DPH6: variants seen among roughly 807,000 people sequenced by gnomAD.
DPH6 encodes diphthine--ammonia ligase.
Under a neutral mutation model 38.2 loss-of-function variants are expected in DPH6, and 33 were observed. That is an observed-to-expected ratio of 0.86 (90% CI 0.65 to 1.15). DPH6 has a LOEUF of 1.15. Ranked by LOEUF, DPH6 falls within the 50% of genes most tolerant of loss-of-function variation. DPH6 has a pLI of 0.00. For synonymous variants in DPH6, 108 were observed against 103.0 expected (o/e 1.05, Z -0.30); for missense variants, 325 against 320.0 (o/e 1.02, Z -0.12).
At chr15:35,269,355 A>G (rs974586361) in intron 3 of DPH6, among the ~76,000 whole-genome samples, 2 of 152,220 alleles carry the variant, frequency 1.3e-5, no homozygotes, top group African/African-American at 2.4e-5. Flanking sequence ...AGTAAGGAGA[A>G]CTCAATGCAA....
chr15:35,273,404 A>G (rs910861804), intron 3 of DPH6, among the ~76,000 whole-genome samples: 10 of 152,166 alleles, frequency 6.6e-5, no homozygotes, highest in African/African-American at 2.4e-4. Flanking sequence ...GTGAGAAAAT[A>G]CGATGTTTGG....
At chr15:35,273,748 TAA>T (rs2051838684) in intron 3 of DPH6, among the ~76,000 whole-genome samples, 1 of 152,050 alleles carries the variant, frequency 6.6e-6, no homozygotes, top group Non-Finnish European at 1.5e-5. Flanking sequence ...CTCAAGGAAA[TAA>T]GAGAGGACAC....
chr15:35,366,819 G>T (rs2052665391), downstream of DPH6, among the ~76,000 whole-genome samples: 1 of 151,930 alleles, frequency 6.6e-6, no homozygotes, highest in African/African-American at 2.4e-5. Context: ...ATAACATTGG[G>T]AATAATGATT....
At chr15:35,440,535 C>T (rs1022801380) in intron 5 of DPH6, among the ~76,000 whole-genome samples, 2 of 152,158 alleles carry the variant, frequency 1.3e-5, no homozygotes, top group African/African-American at 4.8e-5. Flanking sequence ...TCTGTCTTCC[C>T]AAAACAGTAC....
At chr15:35,212,012 T>A in the DPH6 span, among the ~76,000 whole-genome samples, 1 of 152,194 alleles carries the variant, frequency 6.6e-6, no homozygotes, top group African/African-American at 2.4e-5. Context: ...TTGAACAGAT[T>A]GTTTGAGACA....
intron 4 of DPH6, among the ~76,000 whole-genome samples, chr15:35,452,170 ACTG>A (rs2053944036): frequency 7.8e-6 from 1 of 129,006 alleles, no homozygotes; most frequent in Admixed American, 7.9e-5. Context: ...CCTACCACTC[ACTG>A]CTGCCTGCTC....
In DPH6 at chr15:35,294,991, T is replaced by C. The variant is rs1360234255; in HGVS notation, n.201-74409A>G. Among the ~76,000 whole-genome samples the C allele has an allele frequency of 2.6e-5, 4 of 152,206 alleles. 1 individual carries two copies. The highest frequency in any genetic ancestry group is 2.6e-4 in the Admixed American group (4 of 15,284). ...TCCTCACAGTCCCAATCCTCCCTCC[T>C]AGTGCCATGTCAGCATTCAGAGTTG... On this transcript the variant is annotated intron_variant and non_coding_transcript_variant, in intron 3 of 3. Transcript: ENST00000560386.
At chr15:35,205,056 A>G in the DPH6 span, among the ~76,000 whole-genome samples, 1 of 151,958 alleles carries the variant, frequency 6.6e-6, no homozygotes, top group African/African-American at 2.4e-5. Context: ...ATTCTATTGG[A>G]AAGCACTCAC....
the DPH6 span, among the ~76,000 whole-genome samples, chr15:35,188,860 G>A: frequency 1.3e-5 from 2 of 151,498 alleles, no homozygotes; most frequent in South Asian, 4.2e-4. Flanking sequence ...TCCAGCCTGG[G>A]TGATAGAGTG....
intron 5 of DPH6, among the ~76,000 whole-genome samples, chr15:35,436,113 C>A (rs780244599): frequency 2.6e-5 from 4 of 152,072 alleles, no homozygotes; most frequent in Non-Finnish European, 5.9e-5. Flanking sequence ...CCTCGCGACA[C>A]CTCCATGGAG....
chr15:35,303,872 T>C (rs1324664790), intron 3 of DPH6, among the ~76,000 whole-genome samples: 1 of 151,974 alleles, frequency 6.6e-6, no homozygotes, highest in Non-Finnish European at 1.5e-5. Flanking sequence ...CATTTTTTTT[T>C]CATTTATACT....
At position 35,426,188 on chromosome 15, in the gene DPH6, G is replaced by A. The variant is rs961186303; in HGVS notation, c.506-15292C>T. Among the ~76,000 whole-genome samples the A allele has an allele frequency of 3.3e-5, 5 of 151,330 alleles. No homozygotes were observed. In the South Asian group the frequency reaches 8.3e-4, roughly 25 times the overall value. ...GGGAGTTTTGAAAGTTTCAACTTTCGATGTTTCAATACTTCAGTTATAAAA... is the reference window on the plus strand; with the variant it reads ...GGGAGTTTTGAAAGTTTCAACTTTCAATGTTTCAATACTTCAGTTATAAAA... On this transcript the variant is annotated intron_variant, in intron 5 of 8. Coordinates refer to ENST00000256538, the MANE Select transcript of DPH6 (RefSeq NM_080650.4).
downstream of DPH6, among the ~76,000 whole-genome samples, chr15:35,370,311 A>T (rs1464729802): frequency 1.3e-5 from 2 of 151,806 alleles, no homozygotes; most frequent in Non-Finnish European, 3.0e-5. Context: ...CATTAAAAGC[A>T]TAATACTAGA....
downstream of DPH6, among the ~76,000 whole-genome samples, chr15:35,216,804 T>C (rs1011347267): frequency 3.9e-5 from 6 of 152,124 alleles, no homozygotes; most frequent in South Asian, 1.0e-3. Flanking sequence ...AATTGATCAA[T>C]CAAAAAACAA....
intron 3 of DPH6, among the ~76,000 whole-genome samples, chr15:35,362,272 C>G (rs558675521): frequency 7.9e-5 from 12 of 152,192 alleles, no homozygotes; most frequent in African/African-American, 2.4e-4. Flanking sequence ...TCTCTGGAAC[C>G]ATTACAAGCC....
chr15:35,236,585 G>C (rs2051553229), intron 3 of DPH6, among the ~76,000 whole-genome samples: 5 of 151,184 alleles, frequency 3.3e-5, no homozygotes, highest in Admixed American at 3.3e-4. Flanking sequence ...CTTGCAGTGA[G>C]CCCAGATCGC....
At chr15:35,181,606 T>C in the DPH6 span, among the ~76,000 whole-genome samples, 1 of 152,136 alleles carries the variant, frequency 6.6e-6, no homozygotes, top group Non-Finnish European at 1.5e-5. Flanking sequence ...ACTTTAACTG[T>C]CTTACATGAT....
chr15:35,489,887 A>AT, intron 3 of DPH6: 4 of 966,406 alleles, frequency 4.1e-6, no homozygotes, highest in South Asian at 9.6e-5. Context: ...TGTTTTATAC[A>AT]TTTTTCTGTA....
At chr15:35,331,591 G>C (rs1035726456) in intron 3 of DPH6, among the ~76,000 whole-genome samples, 1 of 152,158 alleles carries the variant, frequency 6.6e-6, no homozygotes, top group African/African-American at 2.4e-5. Flanking sequence ...ATTTGAACTT[G>C]GATGTTGGTA....
Sources: gnomAD v4.1 joint callset for allele counts (sites outside exome capture counted in the v4.1 genomes callset) on GRCh38, gnomAD v4.1.1 for gene constraint, MANE v1.5 for transcripts, NCBI Gene and HGNC (gene_info 2026-07-23, HGNC 2026-07-21) for gene names.